CWC27: variants seen among roughly 807,000 people sequenced by gnomAD.
CWC27 encodes the protein spliceosome-associated protein CWC27 homolog.
Under a neutral mutation model 63.6 loss-of-function variants are expected in CWC27, and 47 were observed. The ratio of observed to expected loss-of-function variants is 0.74; its 90% confidence interval spans 0.58 to 0.94. The LOEUF is 0.94. CWC27 is among the 40% of genes least tolerant of loss of function. The pLI is 0.00. For synonymous variants in CWC27, 175 were observed against 179.8 expected (o/e 0.97, Z 0.22); for missense variants, 495 against 554.3 (o/e 0.89, Z 1.07).
chr5:64,916,751 A>G (rs1034100374), intron 11 of CWC27, among the ~76,000 whole-genome samples: 5 of 152,206 alleles, frequency 3.3e-5, no homozygotes, highest in Admixed American at 6.5e-5. Flanking sequence ...AAACATACCT[A>G]TAACACTTGG....
chr5:64,769,346 T>C (rs1057337315), intron 1 of CWC27, among the ~76,000 whole-genome samples, 158 bp downstream of exon 1: 2 of 152,084 alleles, frequency 1.3e-5, no homozygotes, highest in African/African-American at 4.8e-5. Context: ...ATCGAAACAC[T>C]GATGTTGGTA....
rs574854870 is a variant in CWC27 at position 64,874,463 on chromosome 5, C to G, written c.939-10980C>G. Among the ~76,000 whole-genome samples, 57 of 151,296 alleles carry G rather than the reference C, an allele frequency of 3.8e-4. 1 individual carries two copies. Among genetic ancestry groups the G allele is most frequent in the African/African-American group, 1.3e-3 (55 of 41,224 alleles). ...ACAGGCATGAGCCACCGTGCCCAGC[C>G]GATGCTTTTTTTTGTTTGTTTTTTA... On this transcript the variant is annotated intron_variant, in intron 10 of 13. Transcript: ENST00000381070.
intron 13 of CWC27, among the ~76,000 whole-genome samples, chr5:65,009,436 C>T (rs1749905670): frequency 6.6e-6 from 1 of 152,158 alleles, no homozygotes; most frequent in Admixed American, 6.5e-5. Context: ...TTCAAATAAG[C>T]ACAGTTTATA....
chr5:64,785,610 CT>C, intron 5 of CWC27, 31 bp downstream of exon 5: 1 of 1,336,014 alleles, frequency 7.5e-7, no homozygotes, highest in South Asian at 1.2e-5. Context: ...AGATACAGCA[CT>C]TACATTGTCG....
At chr5:64,932,010 G>A (rs537030701) in intron 11 of CWC27, among the ~76,000 whole-genome samples, 73 of 152,158 alleles carry the variant, frequency 4.8e-4, no homozygotes, top group African/African-American at 1.7e-3. Context: ...TTTCTTTAGG[G>A]TACGTCTTTA....
chr5:64,935,488 C>T (rs1748326641), intron 11 of CWC27, among the ~76,000 whole-genome samples: 1 of 152,156 alleles, frequency 6.6e-6, no homozygotes, highest in Non-Finnish European at 1.5e-5. Context: ...CAGTACCATG[C>T]TGTGTTGGTT....
intron 6 of CWC27, among the ~76,000 whole-genome samples, chr5:64,787,232 GTTT>G (rs1743920231): frequency 6.6e-6 from 1 of 151,942 alleles, no homozygotes; most frequent in Non-Finnish European, 1.5e-5. Flanking sequence ...GGTTTTGTTT[GTTT>G]GTTTGTTTGT....
chr5:64,920,090 C>G lies in CWC27; in HGVS notation c.1042+34544C>G, dbSNP rs143802073. Among the ~76,000 whole-genome samples, 796 of 152,240 alleles carry G rather than the reference C, an allele frequency of 5.2e-3. 6 individuals are homozygous for G. The highest frequency in any genetic ancestry group is 0.018 in the African/African-American group (755 of 41,554). On this transcript the variant is annotated intron_variant, in intron 11 of 13. Transcript: ENST00000381070. ...AAGTGATTCTTCCACCTCAGCCTTC[C>G]GAGTAGCTGGGATTACAGGCACCCG...
intron 10 of CWC27, among the ~76,000 whole-genome samples, chr5:64,825,416 A>G (rs986207002): frequency 9.8e-5 from 15 of 152,302 alleles, no homozygotes; most frequent in Middle Eastern, 6.8e-3. Flanking sequence ...GGAACTAACA[A>G]TTTACCAAAT....
At chr5:64,952,753 CTA>C (rs922990847) in intron 11 of CWC27, among the ~76,000 whole-genome samples, 5 of 152,158 alleles carry the variant, frequency 3.3e-5, no homozygotes, top group African/African-American at 9.6e-5. Flanking sequence ...ACTAGACACT[CTA>C]TTACTACACT....
At chr5:64,807,845 G>T (rs780878943) in intron 10 of CWC27, 3 of 1,519,620 alleles carry the variant, frequency 2.0e-6, no homozygotes, top group Admixed American at 2.0e-5. Context: ...TCTCTTCCCC[G>T]CTTCGAGAGT....
At chr5:64,776,133 A>C (rs1743444917) in intron 2 of CWC27, among the ~76,000 whole-genome samples, 1 of 146,314 alleles carries the variant, frequency 6.8e-6, no homozygotes, top group Non-Finnish European at 1.5e-5. Context: ...ATGAAAGGAC[A>C]TCTGCAAAGA....
chr5:64,815,821 A>G (rs1745009481), intron 10 of CWC27, among the ~76,000 whole-genome samples: 1 of 152,204 alleles, frequency 6.6e-6, no homozygotes, highest in Non-Finnish European at 1.5e-5. Context: ...CCATAATTTC[A>G]CAGATGAATA....
chr5:64,772,624 CAAAAAAAAAAAAAAA>C (rs58675990), intron 1 of CWC27, among the ~76,000 whole-genome samples: 849 of 52,176 alleles, frequency 0.016, 14 homozygotes, highest in African/African-American at 0.03. Flanking sequence ...GACTCTGTCT[CAAAAAAAAAAAAAAA>C]AAAAAAAAAA....
intron 13 of CWC27, among the ~76,000 whole-genome samples, chr5:64,999,239 T>C (rs572624089): frequency 6.6e-6 from 1 of 152,216 alleles, no homozygotes; most frequent in South Asian, 2.1e-4. Flanking sequence ...TCCCCCTCCC[T>C]TTTTTGTTGA....
At chr5:64,781,523 G>T (rs1044419473) in intron 2 of CWC27, among the ~76,000 whole-genome samples, 1 of 152,110 alleles carries the variant, frequency 6.6e-6, no homozygotes, top group African/African-American at 2.4e-5. Flanking sequence ...GCAGTATAGG[G>T]TGTTTAGCAG....
At chr5:64,859,501 A>G (rs1225675333) in intron 10 of CWC27, among the ~76,000 whole-genome samples, 1 of 152,206 alleles carries the variant, frequency 6.6e-6, no homozygotes, top group African/African-American at 2.4e-5. Flanking sequence ...AAAATATTGG[A>G]GAAGAAGAAA....
intron 11 of CWC27, among the ~76,000 whole-genome samples, chr5:64,949,503 C>T (rs1748660717): frequency 6.6e-6 from 1 of 151,982 alleles, no homozygotes; most frequent in African/African-American, 2.4e-5. Flanking sequence ...CCTGCCAATA[C>T]ATTCTGTGTG....
chr5:64,910,133 G>A (rs1747753166), intron 11 of CWC27, among the ~76,000 whole-genome samples: 1 of 152,114 alleles, frequency 6.6e-6, no homozygotes, highest in South Asian at 2.1e-4. Context: ...CCTTTTTATT[G>A]ACGTTGATGC....
Sources: allele counts gnomAD v4.1 joint callset (sites outside exome capture counted in the v4.1 genomes callset), GRCh38; gene constraint gnomAD v4.1.1; transcripts MANE v1.5; gene names NCBI Gene and HGNC (gene_info 2026-07-23, HGNC 2026-07-21).